The following RBMS1 variants were observed in gnomAD, a reference collection of about 807,000 sequenced individuals.
RBMS1 encodes RNA-binding motif, single-stranded-interacting protein 1.
RBMS1 carries 17 observed loss-of-function variants against 62.3 expected under a neutral mutation model. That is an observed-to-expected ratio of 0.27 (90% CI 0.19 to 0.41). The LOEUF is 0.41. RBMS1 is among the 10% of genes least tolerant of loss of function. The pLI is 1.00. For missense variants in RBMS1, 334 were observed against 504.5 expected (o/e 0.66, Z 3.24); for synonymous variants, 172 against 170.0 (o/e 1.01, Z -0.09).
At chr2:160,307,546 T>C (rs959419662) in intron 4 of RBMS1, among the ~76,000 whole-genome samples, 1 of 152,144 alleles carries the variant, frequency 6.6e-6, no homozygotes, top group Non-Finnish European at 1.5e-5. Flanking sequence ...TCTTTTCCTT[T>C]TATAGAATGT....
intron 13 of RBMS1, 185 bp downstream of exon 13, chr2:160,275,445 A>G: frequency 1.7e-6 from 2 of 1,160,496 alleles, no homozygotes; most frequent in Non-Finnish European, 2.3e-6. Context: ...TCTTTAGACA[A>G]AATGATTAAT....
intron 1 of RBMS1, among the ~76,000 whole-genome samples, chr2:160,442,451 T>C (rs1166503798): frequency 1.3e-5 from 2 of 152,236 alleles, no homozygotes; most frequent in African/African-American, 4.8e-5. Context: ...TTAGTTTACA[T>C]GTAAGTTGTA....
chr2:160,430,817 A>G (rs78353884), intron 1 of RBMS1, among the ~76,000 whole-genome samples: 2,063 of 152,152 alleles, frequency 0.014, 13 homozygotes, highest in Non-Finnish European at 0.023. Flanking sequence ...TAAATGTGAA[A>G]TGACCCTTAA....
intron 2 of RBMS1, among the ~76,000 whole-genome samples, chr2:160,332,918 A>T (rs1194903866): frequency 6.6e-6 from 1 of 150,918 alleles, no homozygotes. Flanking sequence ...ATATGTGTAT[A>T]AATGCATACA....
At chr2:160,447,721 T>A (rs1470589514) in intron 1 of RBMS1, among the ~76,000 whole-genome samples, 1 of 152,244 alleles carries the variant, frequency 6.6e-6, no homozygotes, top group Non-Finnish European at 1.5e-5. Flanking sequence ...TTGTCTATTC[T>A]TTCTGCAATT....
intron 2 of RBMS1, among the ~76,000 whole-genome samples, chr2:160,335,757 CT>C (rs1691533957): frequency 6.6e-6 from 1 of 152,178 alleles, no homozygotes; most frequent in South Asian, 2.1e-4. Flanking sequence ...GTAATGTTAA[CT>C]GTTCTTAGCT....
At chr2:160,487,674 A>G (rs754092451) in intron 1 of RBMS1, among the ~76,000 whole-genome samples, 1 of 152,236 alleles carries the variant, frequency 6.6e-6, no homozygotes, top group African/African-American at 2.4e-5. Flanking sequence ...ACAGTGCCAG[A>G]TCTACATGCA....
rs55919359 is a variant in RBMS1, at chr2:160,485,547, T to A, written c.75+7742A>T. On this transcript the variant is annotated intron_variant, in intron 1 of 13. Coordinates refer to ENST00000348849, the MANE Select transcript of RBMS1 (RefSeq NM_016836.4). ...CCATATCATTAAGGATAACTATTTA[T>A]TTATGAAATGAATTTCAAGTTTTAA... 3.5e-3 allele frequency among the ~76,000 whole-genome samples: 531 copies of A among 152,336 alleles called. 2 individuals are homozygous for A. Among genetic ancestry groups the A allele is most frequent in the Middle Eastern group, 0.01 (3 of 294 alleles).
At chr2:160,351,362 C>G (rs1692499416) in intron 2 of RBMS1, among the ~76,000 whole-genome samples, 1 of 151,904 alleles carries the variant, frequency 6.6e-6, no homozygotes, top group East Asian at 1.9e-4. Context: ...GAAGCAGATG[C>G]ATACCTCACA....
At chr2:160,431,311 CCTA>C (rs1475798039) in intron 1 of RBMS1, among the ~76,000 whole-genome samples, 2 of 151,560 alleles carry the variant, frequency 1.3e-5, no homozygotes, top group African/African-American at 4.8e-5. Flanking sequence ...ACCGAATCAA[CCTA>C]CTAGCCAGAT....
intron 1 of RBMS1, among the ~76,000 whole-genome samples, chr2:160,438,517 C>T (rs1382274807): frequency 6.6e-6 from 1 of 152,086 alleles, no homozygotes; most frequent in Non-Finnish European, 1.5e-5. Flanking sequence ...TTGCACCGCC[C>T]TTAATCCATT....
chr2:160,419,092 G>A (rs184947697), intron 1 of RBMS1, among the ~76,000 whole-genome samples: 5 of 152,128 alleles, frequency 3.3e-5, no homozygotes, highest in Admixed American at 1.3e-4. Flanking sequence ...AATTAATCAC[G>A]GTTAATTCAG....
intron 4 of RBMS1, among the ~76,000 whole-genome samples, chr2:160,306,128 C>T (rs900827546): frequency 1.4e-4 from 21 of 149,818 alleles, no homozygotes; most frequent in African/African-American, 1.7e-4. Context: ...TTGTTTCTCT[C>T]GTGTGTGTGT....
At chr2:160,352,466 C>A (rs1398215522) in intron 2 of RBMS1, among the ~76,000 whole-genome samples, 1 of 152,078 alleles carries the variant, frequency 6.6e-6, no homozygotes, top group Non-Finnish European at 1.5e-5. Flanking sequence ...GACTTCTTAG[C>A]CTTTAAGTAC....
At chr2:160,323,617 A>AAC (rs1690713937) in intron 2 of RBMS1, among the ~76,000 whole-genome samples, 1 of 147,394 alleles carries the variant, frequency 6.8e-6, no homozygotes, top group Non-Finnish European at 1.5e-5. Context: ...TGAAAGAAAA[A>AAC]AAAAAAAAAA....
chr2:160,376,211 G>T (rs1250757185), intron 1 of RBMS1, among the ~76,000 whole-genome samples: 3 of 152,122 alleles, frequency 2.0e-5, no homozygotes, highest in Non-Finnish European at 2.9e-5. Flanking sequence ...TATTAAGTTA[G>T]AAAACTTATA....
At chr2:160,485,968 G>A (rs1163318438) in intron 1 of RBMS1, among the ~76,000 whole-genome samples, 1 of 152,094 alleles carries the variant, frequency 6.6e-6, no homozygotes, top group Non-Finnish European at 1.5e-5. Context: ...GTTGGATGAT[G>A]AAACGAAATT....
At chr2:160,343,469 C>A (rs1030170141) in intron 2 of RBMS1, among the ~76,000 whole-genome samples, 1 of 152,122 alleles carries the variant, frequency 6.6e-6, no homozygotes, top group Non-Finnish European at 1.5e-5. Flanking sequence ...GAAAATGGAA[C>A]AAGTTCAGTG....
At chr2:160,299,403 A>G (rs1268358067) in intron 6 of RBMS1, among the ~76,000 whole-genome samples, 1 of 152,204 alleles carries the variant, frequency 6.6e-6, no homozygotes, top group African/African-American at 2.4e-5. Context: ...TATGTTCACA[A>G]GTTTTGTTCC....
Sources: allele counts gnomAD v4.1 joint callset (sites outside exome capture counted in the v4.1 genomes callset), GRCh38; gene constraint gnomAD v4.1.1; transcripts MANE v1.5; gene names NCBI Gene and HGNC (gene_info 2026-07-23, HGNC 2026-07-21).